The following RPS6KC1 variants were observed in gnomAD, a reference collection of about 807,000 sequenced individuals.
RPS6KC1 encodes the protein ribosomal protein S6 kinase C1.
Under a neutral mutation model 103.8 loss-of-function variants are expected in RPS6KC1, and 54 were observed. The ratio of observed to expected loss-of-function variants is 0.52; its 90% CI spans 0.42 to 0.65. The LOEUF is 0.65. RPS6KC1 is among the 30% of genes least tolerant of loss of function. The pLI is 0.00. For missense variants in RPS6KC1, 1,151 were observed against 1,253.8 expected (o/e 0.92, Z 1.24); for synonymous variants, 439 against 438.7 (o/e 1.00, Z -0.01).
chr1:213,290,306 A>G, the RPS6KC1 span, among the ~76,000 whole-genome samples: 2 of 152,170 alleles, frequency 1.3e-5, no homozygotes, highest in East Asian at 3.8e-4. Context: ...CCAGTTGCCA[A>G]CCTTTTACTG....
intron 8 of RPS6KC1, among the ~76,000 whole-genome samples, chr1:213,179,646 G>T (rs142201482): frequency 5.3e-4 from 81 of 152,124 alleles, no homozygotes; most frequent in African/African-American, 1.7e-3. Context: ...ACAGTATTTG[G>T]TTTTTATGAG....
chr1:213,596,717 A>C, the RPS6KC1 span, among the ~76,000 whole-genome samples: 1 of 152,224 alleles, frequency 6.6e-6, no homozygotes, highest in African/African-American at 2.4e-5. Flanking sequence ...TAATACTTAC[A>C]TTATTTTCCT....
At chr1:213,440,414 C>T in the RPS6KC1 span, among the ~76,000 whole-genome samples, 1 of 152,020 alleles carries the variant, frequency 6.6e-6, no homozygotes, top group African/African-American at 2.4e-5. Context: ...CTTTGTAACT[C>T]ACTTCTTTCT....
chr1:213,733,272 C>A, the RPS6KC1 span, among the ~76,000 whole-genome samples: 3 of 147,432 alleles, frequency 2.0e-5, no homozygotes, highest in African/African-American at 7.6e-5. Flanking sequence ...TCACTCTGGT[C>A]AGTGTCACCC....
the RPS6KC1 span, among the ~76,000 whole-genome samples, chr1:213,544,561 G>T: frequency 6.6e-6 from 1 of 152,246 alleles, no homozygotes; most frequent in African/African-American, 2.4e-5. Context: ...TTCCCTCTTG[G>T]CACCTTGGCC....
At chr1:213,186,913 A>AT (rs1167723367) in intron 8 of RPS6KC1, among the ~76,000 whole-genome samples, 1 of 151,938 alleles carries the variant, frequency 6.6e-6, no homozygotes, top group Non-Finnish European at 1.5e-5. Flanking sequence ...CTTCTGTTTG[A>AT]TTTTTTGTTT....
chr1:213,232,193 T>C lies in RPS6KC1; in HGVS notation c.1163T>C (p.Val388Ala), dbSNP rs979512618. The C allele has an allele frequency of 6.2e-7, 1 of 1,613,898 alleles. No homozygotes were observed. Among genetic ancestry groups the C allele is most frequent in the Non-Finnish European group, 8.5e-7 (1 of 1,179,922 alleles). ...ATCCCCCGCTGTGTGCCCAACATGG[T>C]GTGTCTGCATAAGTACATCATCTCT... ...TIIPRCVPNMVCLHKYIISEE... is the reference protein window; with the variant it reads ...TIIPRCVPNMACLHKYIISEE... The change falls in exon 10 of 15, where the codon GTG becomes GCG. Residue 388 changes from valine (V) to alanine (A), a missense_variant. By Grantham distance (64) the Val-to-Ala change is moderately conservative (BLOSUM62 0). Transcript: ENST00000366960.
At chr1:213,782,115 T>A in the RPS6KC1 span, among the ~76,000 whole-genome samples, 2 of 152,134 alleles carry the variant, frequency 1.3e-5, no homozygotes, top group Admixed American at 1.3e-4. Flanking sequence ...AACAAAGGTT[T>A]ATGTCTTGCT....
chr1:213,627,067 G>A, the RPS6KC1 span, among the ~76,000 whole-genome samples: 3 of 152,282 alleles, frequency 2.0e-5, no homozygotes, highest in East Asian at 3.9e-4. Flanking sequence ...AGCATGGAAT[G>A]TTCTTCCATT....
chr1:213,732,763 AT>A, the RPS6KC1 span, among the ~76,000 whole-genome samples: 1 of 152,122 alleles, frequency 6.6e-6, no homozygotes, highest in Non-Finnish European at 1.5e-5. Flanking sequence ...ATTTTCTTTT[AT>A]GTAATATGAG....
chr1:213,384,254 T>C, the RPS6KC1 span, among the ~76,000 whole-genome samples: 1 of 150,912 alleles, frequency 6.6e-6, no homozygotes, highest in African/African-American at 2.5e-5. Context: ...CCAGCCTGAG[T>C]GACAGAGCGA....
At chr1:213,361,173 A>T in the RPS6KC1 span, among the ~76,000 whole-genome samples, 1 of 152,240 alleles carries the variant, frequency 6.6e-6, no homozygotes, top group African/African-American at 2.4e-5. Flanking sequence ...CTACAGAGGT[A>T]GGCAGGCCTC....
At chr1:213,692,644 T>C in the RPS6KC1 span, among the ~76,000 whole-genome samples, 1 of 152,166 alleles carries the variant, frequency 6.6e-6, no homozygotes, top group Admixed American at 6.5e-5. Context: ...GAGTTGTACA[T>C]GTGCTCACTT....
the RPS6KC1 span, among the ~76,000 whole-genome samples, chr1:213,359,919 G>A: frequency 6.6e-6 from 1 of 152,208 alleles, no homozygotes; most frequent in Non-Finnish European, 1.5e-5. Flanking sequence ...TTTCTGCTGA[G>A]AGATCAGCTG....
chr1:213,178,360 T>C (rs1558483898), intron 8 of RPS6KC1, among the ~76,000 whole-genome samples: 1 of 151,540 alleles, frequency 6.6e-6, no homozygotes, highest in African/African-American at 2.4e-5. Flanking sequence ...GGCAACATGG[T>C]GAAACCCCGT....
At chr1:213,652,698 T>G in the RPS6KC1 span, among the ~76,000 whole-genome samples, 1 of 152,176 alleles carries the variant, frequency 6.6e-6, no homozygotes, top group South Asian at 2.1e-4. Context: ...TTTGCCTGCA[T>G]GTGAGGCCAC....
intron 8 of RPS6KC1, among the ~76,000 whole-genome samples, chr1:213,183,259 G>A (rs1307399149): frequency 6.6e-6 from 1 of 152,100 alleles, no homozygotes; most frequent in Non-Finnish European, 1.5e-5. Context: ...AAAACGGTTA[G>A]ACAGAAAATC....
At chr1:213,444,211 T>G in the RPS6KC1 span, among the ~76,000 whole-genome samples, 1 of 152,178 alleles carries the variant, frequency 6.6e-6, no homozygotes, top group Non-Finnish European at 1.5e-5. Flanking sequence ...TTTCCCCTTT[T>G]CATAAGGACA....
chr1:213,518,482 G>T, the RPS6KC1 span, among the ~76,000 whole-genome samples: 9 of 152,162 alleles, frequency 5.9e-5, 1 homozygote, highest in Admixed American at 2.0e-4. Context: ...AGCAAGGAAG[G>T]ATCCTCCCCT....
Sources: allele counts gnomAD v4.1 joint callset (sites outside exome capture counted in the v4.1 genomes callset), GRCh38; gene constraint gnomAD v4.1.1; transcripts MANE v1.5; gene names NCBI Gene and HGNC (gene_info 2026-07-23, HGNC 2026-07-21).